Variants in TMC1 observed in about 807,000 individuals in gnomAD.
TMC1 encodes transmembrane channel like 1.
TMC1 carries 84 observed loss-of-function variants against 105.8 expected under a neutral mutation model. The observed-to-expected ratio is 0.79, with a 90% CI of 0.67 to 0.95. The LOEUF is 0.95. TMC1 is among the 40% of genes least tolerant of loss of function. TMC1 has a pLI of 0.00. For missense variants in TMC1, 817 were observed against 914.1 expected, an observed-to-expected ratio of 0.89 and a Z score of 1.37; for synonymous variants, 315 against 311.5, an observed-to-expected ratio of 1.01 and a Z score of -0.12.
intron 4 of TMC1, among the ~76,000 whole-genome samples, chr9:72,635,865 A>T (rs1825525150): frequency 6.6e-6 from 1 of 152,158 alleles, no homozygotes; most frequent in African/African-American, 2.4e-5. Context: ...GCCCTGAAAC[A>T]CTTGTTTTAG....
intron 2 of TMC1, among the ~76,000 whole-genome samples, chr9:72,598,607 A>T (rs1824757938): frequency 6.6e-6 from 1 of 152,092 alleles, no homozygotes; most frequent in Non-Finnish European, 1.5e-5. Flanking sequence ...TAAATTCTCC[A>T]AGGTTGAGGG....
chr9:72,755,051 AGAGGGAGG>A (rs1182759531), intron 12 of TMC1, among the ~76,000 whole-genome samples, 167 bp downstream of exon 12: 1 of 130,162 alleles, frequency 7.7e-6, no homozygotes, highest in Non-Finnish European at 1.6e-5. Flanking sequence ...AGAGAGAGAG[AGAGGGAGG>A]GAGGGAGGGA....
chr9:72,818,628 G>A (rs1470744883), intron 19 of TMC1: 1 of 152,136 alleles, frequency 6.6e-6, no homozygotes, highest in Non-Finnish European at 1.5e-5. Flanking sequence ...TGTCGCTGAT[G>A]TAATAAGGAG....
At chr9:72,734,401 G>A (rs1827263857) in intron 8 of TMC1, among the ~76,000 whole-genome samples, 1 of 152,122 alleles carries the variant, frequency 6.6e-6, no homozygotes, top group Non-Finnish European at 1.5e-5. Context: ...CCATTTTACA[G>A]ATGAAGCAAC....
intron 1 of TMC1, among the ~76,000 whole-genome samples, chr9:72,550,889 C>T (rs1823851339): frequency 6.6e-6 from 1 of 151,998 alleles, no homozygotes. Flanking sequence ...AGAGATTATC[C>T]TGGATTATCT....
Position 72,803,471 on chromosome 9 carries a change from G to A in TMC1, c.1567-1911G>A, listed in dbSNP as rs556204878. 2.0e-5 allele frequency among the ~76,000 whole-genome samples: 3 copies of A among 152,226 alleles called. No individual in the cohort carries two copies. In the South Asian group the frequency reaches 6.2e-4, roughly 32 times the overall value. ...ACCTACAGAATGGGAGAAAATTTTT[G>A]CAATCTATCCATTTGACAAAGATCT... On this transcript the variant is annotated intron_variant, in intron 17 of 23. Transcript: ENST00000297784.
chr9:72,758,638 A>G (rs1827708171), intron 12 of TMC1, among the ~76,000 whole-genome samples: 1 of 152,170 alleles, frequency 6.6e-6, no homozygotes, highest in Non-Finnish European at 1.5e-5. Context: ...AAGAACTCCC[A>G]TAGAATGGGC....
At chr9:72,620,257 A>C (rs932670827) in intron 3 of TMC1, among the ~76,000 whole-genome samples, 2 of 151,582 alleles carry the variant, frequency 1.3e-5, no homozygotes, top group African/African-American at 4.8e-5. Context: ...GATTATTATT[A>C]TTAAGATAGG....
At chr9:72,703,023 TA>T (rs1826671169) in intron 8 of TMC1, among the ~76,000 whole-genome samples, 1 of 152,308 alleles carries the variant, frequency 6.6e-6, no homozygotes, top group South Asian at 2.1e-4. Flanking sequence ...CTTTTTCTTT[TA>T]TTTTTTTTAA....
rs57562145 is a variant in TMC1 at position 72,725,325 on chromosome 9, G to GTATATATATATATA, written c.363-14764_363-14751dup. 9.7e-4 allele frequency among the ~76,000 whole-genome samples: 75 copies of GTATATATATATATA among 77,598 alleles called. 1 individual carries two copies. Among genetic ancestry groups the GTATATATATATATA allele is most frequent in the Middle Eastern group, 0.013 (2 of 156 alleles). 50.9% of individuals were successfully genotyped at this position (77,598 alleles called of 152,430 possible). On this transcript the variant is annotated intron_variant, in intron 8 of 23. Coordinates refer to ENST00000297784, the MANE Select transcript of TMC1 (RefSeq NM_138691.3). Reference sequence around the variant, plus strand: ...CCACACACACATTTTATGTGTGTATGTATATATATATATATATATATATAT... The same window carrying GTATATATATATATA: ...CCACACACACATTTTATGTGTGTATGTATATATATATATATATATATATATATATATATATATAT...
intron 19 of TMC1, among the ~76,000 whole-genome samples, chr9:72,816,544 A>G (rs536416422): frequency 6.6e-6 from 1 of 152,304 alleles, no homozygotes; most frequent in South Asian, 2.1e-4. Flanking sequence ...CATGATAAGT[A>G]TGAAATAAAT....
At chr9:72,566,951 G>A (rs535061571) in intron 1 of TMC1, among the ~76,000 whole-genome samples, 1 of 152,280 alleles carries the variant, frequency 6.6e-6, no homozygotes, top group South Asian at 2.1e-4. Flanking sequence ...ATCAGACCTT[G>A]TTGCATCCCA....
intron 10 of TMC1, among the ~76,000 whole-genome samples, chr9:72,746,856 C>T (rs1344981117): frequency 2.0e-5 from 3 of 152,278 alleles, no homozygotes; most frequent in Non-Finnish European, 4.4e-5. Context: ...TTTACTGTCA[C>T]GTCAGCCTTA....
At chr9:72,648,153 G>A (rs914654042) in intron 4 of TMC1, among the ~76,000 whole-genome samples, 1 of 152,118 alleles carries the variant, frequency 6.6e-6, no homozygotes, top group East Asian at 1.9e-4. Context: ...AAACCCAAAC[G>A]CCAAGTGCAG....
intron 6 of TMC1, among the ~76,000 whole-genome samples, chr9:72,692,957 A>G (rs2132188043): frequency 6.6e-6 from 1 of 152,214 alleles, no homozygotes; most frequent in Middle Eastern, 3.4e-3. Flanking sequence ...CATCTCTACT[A>G]AAAATACAAA....
chr9:72,611,154 G>A (rs1230925088), intron 2 of TMC1, among the ~76,000 whole-genome samples: 2 of 152,172 alleles, frequency 1.3e-5, no homozygotes, highest in African/African-American at 4.8e-5. Flanking sequence ...AGGAAATGTT[G>A]TCGGCTTTCT....
intron 1 of TMC1, among the ~76,000 whole-genome samples, chr9:72,561,236 T>C (rs1303690003): frequency 1.4e-5 from 2 of 140,558 alleles, no homozygotes; most frequent in Admixed American, 1.6e-4. Flanking sequence ...CAGAATGGCG[T>C]GAACCCGGGA....
intron 1 of TMC1, among the ~76,000 whole-genome samples, chr9:72,551,653 T>C (rs1823861644): frequency 6.6e-6 from 1 of 152,052 alleles, no homozygotes; most frequent in South Asian, 2.1e-4. Context: ...CTCTTGAGGG[T>C]TGAATTGAGT....
intron 12 of TMC1, among the ~76,000 whole-genome samples, 175 bp from the exon 13 acceptor site, chr9:72,772,238 A>C (rs1827939696): frequency 6.6e-6 from 1 of 152,226 alleles, no homozygotes; most frequent in Non-Finnish European, 1.5e-5. Flanking sequence ...AAAAGCTGCC[A>C]ATCAACATGG....
Sources: gnomAD v4.1 joint callset for allele counts (sites outside exome capture counted in the v4.1 genomes callset) on GRCh38, gnomAD v4.1.1 for gene constraint, MANE v1.5 for transcripts, NCBI Gene and HGNC (gene_info 2026-07-23, HGNC 2026-07-21) for gene names.